Variants in SLC24A1 observed in about 807,000 individuals in gnomAD.
SLC24A1 encodes sodium/potassium/calcium exchanger 1.
Under a neutral mutation model 88.1 loss-of-function variants are expected in SLC24A1, and 52 were observed. The ratio of observed to expected loss-of-function variants is 0.59; its 90% CI spans 0.47 to 0.74. The LOEUF is 0.74. Among genes scored for constraint, SLC24A1 ranks in the 30% least tolerant of loss-of-function variants. SLC24A1 has a pLI of 0.00. For missense variants in SLC24A1, 1,173 were observed against 1,363.3 expected (o/e 0.86, Z 2.20); for synonymous variants, 455 against 498.0 (o/e 0.91, Z 1.15).
At chr15:65,614,023 C>T (rs1409010549) in intron 2 of SLC24A1, among the ~76,000 whole-genome samples, 1 of 152,152 alleles carries the variant, frequency 6.6e-6, no homozygotes, top group Non-Finnish European at 1.5e-5. Flanking sequence ...TACCTCCTCC[C>T]TATTTCACTA....
At position 65,624,975 on chromosome 15, in the gene SLC24A1, G is replaced by A. The variant is rs1360354486; in HGVS notation, c.895G>A (p.Val299Met). The change falls in exon 2 of 10, where the codon GTG becomes ATG. Residue 299 changes from valine to methionine, a missense_variant. Transcript: ENST00000261892. Reference protein sequence around the residue: ...SNSSAHPWGLVGKSNPKTPQG... With the variant: ...SNSSAHPWGLMGKSNPKTPQG... ...CAGCTCAGCCCATCCCTGGGGGTTA[G>A]TGGGAAAGAGCAACCCGAAGACTCC... The A allele has an allele frequency of 1.2e-6, 2 of 1,608,196 alleles. No individual in the cohort carries two copies. Among genetic ancestry groups the A allele is most frequent in the Admixed American group, 1.7e-5 (1 of 59,184 alleles).
Position 65,624,256 on chromosome 15 carries a change from C to A in SLC24A1, c.176C>A (p.Pro59His). ...TGGGCAGCAGTCTCTTCTCATCAGC[C>A]TATAAAACTGGCCAGTCGGGACCTC... ...SLWAAVSSHQ[P>H]IKLASRDLSS... The change falls in exon 2 of 10, where the codon CCT becomes CAT. Residue 59 changes from proline (P) to histidine (H), a missense_variant. Physicochemically the swap from Pro to His is moderately conservative, Grantham distance 77 (BLOSUM62 -2). Transcript: ENST00000261892. 5 of 1,613,840 alleles carry A rather than the reference C, an allele frequency of 3.1e-6. No individual in the cohort carries two copies. Among genetic ancestry groups the A allele is most frequent in the Non-Finnish European group, 4.2e-6 (5 of 1,179,842 alleles).
intron 6 of SLC24A1, among the ~76,000 whole-genome samples, chr15:65,646,253 A>AT (rs2075296393): frequency 1.3e-5 from 2 of 151,566 alleles, no homozygotes; most frequent in South Asian, 2.1e-4. Flanking sequence ...TTATTTTTGT[A>AT]TTTTTAGTAG....
At chr15:65,657,051 T>G (rs988042819), downstream of SLC24A1, among the ~76,000 whole-genome samples, 6 of 152,054 alleles carry the variant, frequency 3.9e-5, no homozygotes, top group Non-Finnish European at 8.8e-5. Context: ...TGTATTTTTT[T>G]GTAGAGATAG....
Position 65,628,667 on chromosome 15 carries a change from C to A in SLC24A1, c.1890+2697C>A, listed in dbSNP as rs116866534. ...TTACACAGCTACTTGGTGATCCTTA[C>A]CATTGATCATGAATCACGATATCTG... On this transcript the variant is annotated intron_variant, in intron 2 of 9. Coordinates refer to ENST00000261892, the MANE Select transcript of SLC24A1 (RefSeq NM_004727.3). Among the ~76,000 whole-genome samples, 173 of 152,326 alleles carry A rather than the reference C, an allele frequency of 1.1e-3. 3 individuals carry two copies. In the East Asian group the frequency reaches 0.027, roughly 24 times the overall value.
In SLC24A1 at chr15:65,654,912, C is replaced by A; in HGVS notation, c.*833C>A. 1.8e-6 allele frequency: 2 copies of A among 1,114,412 alleles called. No individual in the cohort carries two copies. Among genetic ancestry groups the A allele is most frequent in the Non-Finnish European group, 2.2e-6 (2 of 904,212 alleles). The allele number at this position is 1,114,412 out of a possible 1,614,324, so 69.0% of individuals were successfully genotyped here. On this transcript the variant is annotated 3_prime_UTR_variant, in exon 10 of 10. Transcript: ENST00000261892. ...CGCGCCTGGCCTATACCAGTATTTT[C>A]TAGTTTAAAGGAGGACTACATTAAC...
chr15:65,654,576 T>C lies in SLC24A1; in HGVS notation c.*497T>C. 8.3e-7 allele frequency: 1 copy of C among 1,198,472 alleles called. No individual in the cohort carries two copies. The highest frequency in any genetic ancestry group is 6.2e-5 in the East Asian group (1 of 16,170). 74.2% of individuals were successfully genotyped at this position (1,198,472 alleles called of 1,614,324 possible). Reference sequence around the variant, plus strand: ...TCAAATTGTGAGGTTCTATCAGGTTTGTAATCACTGTAGCTTCAGTTATTG... The same window carrying C: ...TCAAATTGTGAGGTTCTATCAGGTTCGTAATCACTGTAGCTTCAGTTATTG... On this transcript the variant is annotated 3_prime_UTR_variant, in exon 10 of 10. Coordinates refer to ENST00000261892, the MANE Select transcript of SLC24A1 (RefSeq NM_004727.3).
At chr15:65,615,503 T>C (rs1182499108) in intron 2 of SLC24A1, among the ~76,000 whole-genome samples, 1 of 152,102 alleles carries the variant, frequency 6.6e-6, no homozygotes, top group African/African-American at 2.4e-5. Context: ...ACCAACATAG[T>C]GTAACCCTGT....
chr15:65,654,352 A>C lies in SLC24A1; in HGVS notation c.*273A>C, dbSNP rs1485987575. 2 of 1,243,026 alleles carry C rather than the reference A, an allele frequency of 1.6e-6. No individual in the cohort carries two copies. Among genetic ancestry groups the C allele is most frequent in the Non-Finnish European group, 2.0e-6 (2 of 990,104 alleles). 77.0% of individuals were successfully genotyped at this position (1,243,026 alleles called of 1,614,324 possible). A position where few individuals can be genotyped will look rare whatever the true frequency, so the allele number is the denominator to read the frequency against. On this transcript the variant is annotated 3_prime_UTR_variant, in exon 10 of 10. Transcript: ENST00000261892. The stretch of plus-strand genomic sequence containing the variant: ...ATGGAGGCAGTAGAAGGACCCCTGG[A>C]GCCAGAGGGTTTTCTAAATGAGATA...
chr15:65,619,408 T>C (rs1047644864), upstream of SLC24A1, among the ~76,000 whole-genome samples: 17 of 152,192 alleles, frequency 1.1e-4, no homozygotes, highest in African/African-American at 4.1e-4. Flanking sequence ...TGGTGGGTCA[T>C]TTATTCTCTG....
rs574760946 is a variant in SLC24A1, at chr15:65,650,762, AGAG to A, written c.2625_2627del (p.Glu877del). 4.0e-5 allele frequency: 65 copies of A among 1,606,634 alleles called. No individual in the cohort carries two copies. The highest frequency in any genetic ancestry group is 3.3e-4 in the Middle Eastern group (2 of 6,056). On this transcript the variant is annotated inframe_deletion, in exon 7 of 10. Coordinates refer to ENST00000261892, the MANE Select transcript of SLC24A1 (RefSeq NM_004727.3). This position sits in a 1 kb window ranked among gnomAD's most constrained non-coding sequence, Gnocchi z 4.1. The stretch of plus-strand genomic sequence containing the variant: ...AAGAGGAGGAGGAAGAGCAGGAGGA[AGAG>A]GAGGAGGAGGAAGAGCAGGAGGAAG...
At chr15:65,639,334 T>C (rs1427358198) in intron 3 of SLC24A1, among the ~76,000 whole-genome samples, 1 of 152,206 alleles carries the variant, frequency 6.6e-6, no homozygotes, top group East Asian at 1.9e-4. Flanking sequence ...ATATTCCTAA[T>C]ACACCAGGTT....
chr15:65,652,865 T>A (rs1174715566), intron 9 of SLC24A1, 57 bp downstream of exon 9: 2 of 1,397,292 alleles, frequency 1.4e-6, no homozygotes, highest in Admixed American at 4.0e-5. Flanking sequence ...AACACTGCAT[T>A]GGCTCTGTTC....
In SLC24A1 at chr15:65,650,367, G is replaced by A; in HGVS notation, c.2233-15G>A. 1 of 1,545,740 alleles carries A rather than the reference G, an allele frequency of 6.5e-7. No homozygotes were observed. Among genetic ancestry groups the A allele is most frequent in the South Asian group, 1.2e-5 (1 of 83,572 alleles). ...AGCAGTTACCACACATTAATCTGTT[G>A]GTTTTGGATTGCAGGAAGATGTGGC... On this transcript the variant is annotated splice_polypyrimidine_tract_variant and intron_variant, in intron 6 of 9. Transcript: ENST00000261892. This position sits in a 1 kb window ranked among gnomAD's most constrained non-coding sequence, Gnocchi z 4.1.
chr15:65,645,810 T>C, intron 6 of SLC24A1, 107 bp downstream of exon 6: 2 of 714,646 alleles, frequency 2.8e-6, no homozygotes, highest in Non-Finnish European at 4.8e-6. Flanking sequence ...TGAGGTTCAT[T>C]CCTCTGGGGG....
intron 2 of SLC24A1, among the ~76,000 whole-genome samples, chr15:65,630,841 C>A (rs59046344): frequency 6.6e-6 from 1 of 152,010 alleles, no homozygotes; most frequent in African/African-American, 2.4e-5. Flanking sequence ...CGTGGTGGCA[C>A]GCATCTGTAA....
Position 65,654,224 on chromosome 15 carries a change from A to T in SLC24A1, c.*145A>T, listed in dbSNP as rs140546113. 48 of 1,436,510 alleles carry T rather than the reference A, an allele frequency of 3.3e-5. No individual in the cohort carries two copies. In the East Asian group the frequency reaches 1.2e-3, roughly 35 times the overall value. The allele number at this position is 1,436,510 out of a possible 1,614,324, so 89.0% of individuals were successfully genotyped here. A position where few individuals can be genotyped will look rare whatever the true frequency, so the allele number is the denominator to read the frequency against. The stretch of plus-strand genomic sequence containing the variant: ...ACCTCTGATATGAATGTGATCTGAG[A>T]CTAAAGTTTGTCCTTGGAAACACCT... On this transcript the variant is annotated 3_prime_UTR_variant, in exon 10 of 10. Transcript: ENST00000261892.
At position 65,625,457 on chromosome 15, in the gene SLC24A1, T is replaced by TA. The variant is rs1333179473; in HGVS notation, c.1377_1378insA (p.Phe460IlefsTer49). On this transcript the variant is annotated frameshift_variant, in exon 2 of 10. Transcript: ENST00000261892. LOFTEE classifies it high-confidence loss of function. ...GGCAGGGCTGGGTGGTCCTGCACGT[T>TA]TTTGGCATGATGTATGTGTTTGTGG... 1 of 1,613,858 alleles carries TA rather than the reference T, an allele frequency of 6.2e-7. No individual in the cohort carries two copies. The highest frequency in any genetic ancestry group is 2.2e-5 in the East Asian group (1 of 44,888).
chr15:65,625,915 A>G lies in SLC24A1; in HGVS notation c.1835A>G (p.Glu612Gly). 1 of 1,614,016 alleles carries G rather than the reference A, an allele frequency of 6.2e-7. No homozygotes were observed. Among genetic ancestry groups the G allele is most frequent in the Non-Finnish European group, 8.5e-7 (1 of 1,179,896 alleles). ...WNKHIEVWVK[E>G]QLSRRPVAKV... ...AAGCATATCGAGGTCTGGGTGAAGGAGCAGCTCAGCAGGAGGCCAGTGGCC... is the reference window on the plus strand; with the variant it reads ...AAGCATATCGAGGTCTGGGTGAAGGGGCAGCTCAGCAGGAGGCCAGTGGCC... The change falls in exon 2 of 10, where the codon GAG becomes GGG. Residue 612 changes from glutamate to glycine, a missense_variant. By Grantham distance (98) the Glu-to-Gly change is moderately conservative (BLOSUM62 -2). Coordinates refer to ENST00000261892, the MANE Select transcript of SLC24A1 (RefSeq NM_004727.3).
Sources: gnomAD v4.1 joint callset for allele counts (sites outside exome capture counted in the v4.1 genomes callset) on GRCh38, gnomAD v4.1.1 for gene constraint, Gnocchi (gnomAD v3.1) non-coding constraint, MANE v1.5 for transcripts, NCBI Gene and HGNC (gene_info 2026-07-23, HGNC 2026-07-21) for gene names.